The following MARCHF10 variants were observed in gnomAD, a reference collection of about 807,000 sequenced individuals.
MARCHF10 encodes membrane associated ring-CH-type finger 10, also known as probable E3 ubiquitin-protein ligase MARCHF10.
A neutral mutation model predicts 76.2 loss-of-function variants in MARCHF10; 64 were observed. The observed-to-expected ratio is 0.84, with a 90% CI of 0.69 to 1.03. The LOEUF (loss-of-function observed/expected upper bound fraction) is 1.03, where lower values mean the gene tolerates loss of function less well. Ranked by LOEUF, MARCHF10 falls within the 50% of genes least tolerant of loss-of-function variation. The probability of loss-of-function intolerance (pLI) is 0.00; values close to 1 mark genes in which losing one functional copy is unlikely to be tolerated. For synonymous variants in MARCHF10, 340 were observed against 357.5 expected (o/e 0.95, Z 0.55); for missense variants, 875 against 958.0 (o/e 0.91, Z 1.14).
chr17:62,788,339 T>G (rs2092779304), intron 3 of MARCHF10, 141 bp downstream of exon 3: 1 of 1,132,724 alleles, frequency 8.8e-7, no homozygotes, highest in South Asian at 1.5e-5. Context: ...TTCCTGCCCC[T>G]GGCTCTCCCT....
At chr17:62,756,625 G>A (rs182092875) in intron 4 of MARCHF10, among the ~76,000 whole-genome samples, 108 of 152,268 alleles carry the variant, frequency 7.1e-4, no homozygotes, top group Non-Finnish European at 1.1e-3. Flanking sequence ...TTGCCACAGC[G>A]GCAGGGACTG....
At chr17:62,732,010 GTTAAAA>G (rs1323709584) in intron 6 of MARCHF10, among the ~76,000 whole-genome samples, 1 of 152,064 alleles carries the variant, frequency 6.6e-6, no homozygotes, top group Non-Finnish European at 1.5e-5. Flanking sequence ...GCAACAAAGA[GTTAAAA>G]TTAGAATTTA....
chr17:62,777,995 C>T (rs909849954), intron 3 of MARCHF10, among the ~76,000 whole-genome samples: 1 of 152,166 alleles, frequency 6.6e-6, no homozygotes, highest in Admixed American at 6.5e-5. Flanking sequence ...ATCAAATATG[C>T]ATGGAGCTCC....
intron 1 of MARCHF10, among the ~76,000 whole-genome samples, chr17:62,803,411 A>G (rs2093109745): frequency 1.3e-5 from 2 of 152,214 alleles, no homozygotes; most frequent in African/African-American, 4.8e-5. Flanking sequence ...GGAATATTTC[A>G]TAGTAATCTA....
chr17:62,742,020 TTTTC>T (rs1411425886), intron 5 of MARCHF10, among the ~76,000 whole-genome samples: 3 of 72,596 alleles, frequency 4.1e-5, no homozygotes, highest in Non-Finnish European at 7.2e-5. Context: ...TTTTTTCTTT[TTTTC>T]TTTTTTTTTT....
intron 6 of MARCHF10, among the ~76,000 whole-genome samples, chr17:62,727,771 A>T (rs1032649834): frequency 2.0e-5 from 3 of 152,238 alleles, no homozygotes; most frequent in African/African-American, 7.2e-5. Context: ...GATATTGACG[A>T]GAGGAAAGGA....
chr17:62,788,361 T>C (rs2092779615), intron 3 of MARCHF10, 119 bp downstream of exon 3: 1 of 1,364,692 alleles, frequency 7.3e-7, no homozygotes, highest in Non-Finnish European at 1.0e-6. Flanking sequence ...CCTTGACCTT[T>C]GGGAATCTGC....
chr17:62,734,160 G>T (rs2091157439), intron 6 of MARCHF10, among the ~76,000 whole-genome samples: 1 of 151,954 alleles, frequency 6.6e-6, no homozygotes, highest in East Asian at 1.9e-4. Context: ...CTCCAGCCTG[G>T]GAGACAGAGT....
intron 6 of MARCHF10, among the ~76,000 whole-genome samples, chr17:62,728,279 C>T (rs1236394688): frequency 6.6e-6 from 1 of 152,320 alleles, no homozygotes; most frequent in South Asian, 2.1e-4. Flanking sequence ...CTGCCTCAGC[C>T]TCCCAAAGTA....
chr17:62,800,557 G>A (rs995473197), intron 2 of MARCHF10, among the ~76,000 whole-genome samples: 1 of 152,174 alleles, frequency 6.6e-6, no homozygotes, highest in Non-Finnish European at 1.5e-5. Context: ...TACTGAGACA[G>A]GTCTGGTTTC....
chr17:62,754,746 T>G (rs1328363179), intron 4 of MARCHF10, among the ~76,000 whole-genome samples: 2 of 152,138 alleles, frequency 1.3e-5, no homozygotes, highest in Non-Finnish European at 2.9e-5. Flanking sequence ...TGATTCTCTA[T>G]TAAAAAGTGG....
chr17:62,787,185 G>A (rs2092760710), intron 3 of MARCHF10, among the ~76,000 whole-genome samples: 1 of 152,134 alleles, frequency 6.6e-6, no homozygotes, highest in East Asian at 1.9e-4. Flanking sequence ...CAGACTCTAA[G>A]TGAAATATTT....
chr17:62,712,370 T>G lies in MARCHF10; in HGVS notation c.2215-1026A>C, dbSNP rs55981516. ...AATGACACAGTGAGCACTCAGTGTCTCATCTGCCTTCTTCCTGCAGCAGCG... is the reference window on the plus strand; with the variant it reads ...AATGACACAGTGAGCACTCAGTGTCGCATCTGCCTTCTTCCTGCAGCAGCG... On this transcript the variant is annotated intron_variant, in intron 8 of 10. Coordinates refer to ENST00000311269, the MANE Select transcript of MARCHF10 (RefSeq NM_152598.4). The surrounding 1 kb of genome is among the most constrained non-coding windows in gnomAD (Gnocchi z 4.2). Among the ~76,000 whole-genome samples the G allele has an allele frequency of 1.3e-5, 2 of 152,370 alleles. No individual in the cohort carries two copies. Among genetic ancestry groups the G allele is most frequent in the Non-Finnish European group, 2.9e-5 (2 of 68,036 alleles).
intron 9 of MARCHF10, among the ~76,000 whole-genome samples, chr17:62,708,908 A>T (rs2089755912): frequency 6.6e-6 from 1 of 152,126 alleles, no homozygotes; most frequent in Non-Finnish European, 1.5e-5. Context: ...ATTGCAGGAA[A>T]CCCCAGGAAG....
intron 2 of MARCHF10, 98 bp from the exon 3 acceptor site, chr17:62,788,697 T>C: frequency 2.7e-6 from 4 of 1,463,730 alleles, no homozygotes; most frequent in Non-Finnish European, 3.8e-6. Flanking sequence ...AAATAAATGA[T>C]ATGCATCTCC....
chr17:62,776,714 C>T (rs574566880), intron 3 of MARCHF10, among the ~76,000 whole-genome samples: 1 of 152,302 alleles, frequency 6.6e-6, no homozygotes, highest in South Asian at 2.1e-4. Flanking sequence ...CTGGCGGAAT[C>T]TTCAACCACA....
intron 10 of MARCHF10, chr17:62,704,946 G>GTTTTTTT: frequency 4.8e-6 from 4 of 837,072 alleles, no homozygotes; most frequent in Non-Finnish European, 5.7e-6. Flanking sequence ...TTCTCCAGTC[G>GTTTTTTT]TTTTTTTTTT....
chr17:62,753,822 G>A (rs1357414502), intron 4 of MARCHF10, among the ~76,000 whole-genome samples: 1 of 152,148 alleles, frequency 6.6e-6, no homozygotes, highest in Non-Finnish European at 1.5e-5. Flanking sequence ...CCACCAGGCT[G>A]GGAGCCCTGG....
chr17:62,762,009 C>A (rs950509596), intron 3 of MARCHF10, among the ~76,000 whole-genome samples: 4 of 152,120 alleles, frequency 2.6e-5, no homozygotes, highest in Admixed American at 6.6e-5. Flanking sequence ...ATGCTCCAGG[C>A]GAGGATGACC....
Sources: gnomAD v4.1 joint callset for allele counts (sites outside exome capture counted in the v4.1 genomes callset) on GRCh38, gnomAD v4.1.1 for gene constraint, Gnocchi (gnomAD v3.1) non-coding constraint, MANE v1.5 for transcripts, NCBI Gene and HGNC (gene_info 2026-07-23, HGNC 2026-07-21) for gene names.